GABRA2: variants seen among roughly 807,000 people sequenced by gnomAD.
GABRA2 encodes the protein gamma-aminobutyric acid receptor subunit alpha-2.
A neutral mutation model predicts 48.7 loss-of-function variants in GABRA2; 16 were observed. That is an observed-to-expected ratio of 0.33 (90% CI 0.22 to 0.50). The LOEUF (loss-of-function observed/expected upper bound fraction) is 0.50, where lower values mean the gene tolerates loss of function less well. GABRA2 is among the 20% of genes least tolerant of loss of function. The pLI is 0.98. For missense variants in GABRA2, 275 were observed against 535.6 expected, an observed-to-expected ratio of 0.51 and a Z score of 4.80; for synonymous variants, 185 against 184.5, an observed-to-expected ratio of 1.00 and a Z score of -0.02.
chr4:46,317,895 T>A (rs972052315), intron 4 of GABRA2, among the ~76,000 whole-genome samples: 1 of 151,798 alleles, frequency 6.6e-6, no homozygotes, highest in South Asian at 2.1e-4. Flanking sequence ...TTTAAAATAC[T>A]GGTCAATGAT....
intron 4 of GABRA2, among the ~76,000 whole-genome samples, chr4:46,320,710 C>G: frequency 6.6e-6 from 1 of 151,762 alleles, no homozygotes; most frequent in African/African-American, 2.4e-5. Flanking sequence ...CACCTCACAC[C>G]TGTTAGGATG....
chr4:46,364,172 A>C (rs1157683280), intron 3 of GABRA2: 1 of 152,162 alleles, frequency 6.6e-6, no homozygotes, highest in East Asian at 1.9e-4. Flanking sequence ...TTATACACTA[A>C]TAATTTGTGA....
At chr4:46,357,297 T>C (rs1003243756) in intron 3 of GABRA2, among the ~76,000 whole-genome samples, 2 of 151,232 alleles carry the variant, frequency 1.3e-5, no homozygotes, top group African/African-American at 2.4e-5. Context: ...GCTTTCTATG[T>C]CTAGTTTTTA....
intron 3 of GABRA2, among the ~76,000 whole-genome samples, chr4:46,385,872 C>T (rs993292510): frequency 2.0e-5 from 3 of 152,062 alleles, no homozygotes; most frequent in East Asian, 3.9e-4. Context: ...TTTAGGCATT[C>T]TATGAAAGAT....
intron 8 of GABRA2, among the ~76,000 whole-genome samples, chr4:46,293,406 A>C (rs1724043782): frequency 6.6e-6 from 1 of 152,184 alleles, no homozygotes; most frequent in East Asian, 1.9e-4. Flanking sequence ...GAGAAAGGCA[A>C]ATAATCAGAC....
chr4:46,330,912 C>T (rs1330500590), intron 4 of GABRA2, among the ~76,000 whole-genome samples: 1 of 152,016 alleles, frequency 6.6e-6, no homozygotes, highest in Non-Finnish European at 1.5e-5. Context: ...CATTTGGGAA[C>T]ATTTAAGACA....
At chr4:46,277,060 C>T (rs191238048) in intron 8 of GABRA2, among the ~76,000 whole-genome samples, 1 of 152,146 alleles carries the variant, frequency 6.6e-6, no homozygotes, top group African/African-American at 2.4e-5. Flanking sequence ...TATGTCCTTA[C>T]TGTGAGGAGA....
chr4:46,245,915 CA>C lies in GABRA2; in HGVS notation c.*4392del, dbSNP rs1713632127. On this transcript the variant is annotated 3_prime_UTR_variant, in exon 10 of 10. Transcript: ENST00000381620. The stretch of plus-strand genomic sequence containing the variant: ...AAGTATTTCTTCATATATAAACAAA[CA>C]AAAATAGAATATTTCAACTTAACAA... 6.6e-6 allele frequency among the ~76,000 whole-genome samples: 1 copy of C among 150,902 alleles called. No homozygotes were observed. Among genetic ancestry groups the C allele is most frequent in the Non-Finnish European group, 1.5e-5 (1 of 67,372 alleles).
At chr4:46,294,187 A>G (rs966773655) in intron 8 of GABRA2, among the ~76,000 whole-genome samples, 5 of 152,224 alleles carry the variant, frequency 3.3e-5, no homozygotes, top group African/African-American at 1.2e-4. Context: ...CTTCCACAAG[A>G]TATCACACTG....
chr4:46,294,198 G>C (rs979446875), intron 8 of GABRA2, among the ~76,000 whole-genome samples: 4 of 152,138 alleles, frequency 2.6e-5, no homozygotes, highest in Admixed American at 2.6e-4. Flanking sequence ...TATCACACTG[G>C]TCCATTATAT....
At chr4:46,303,734 T>A in intron 7 of GABRA2, 122 bp from the exon 8 acceptor site, 2 of 771,648 alleles carry the variant, frequency 2.6e-6, no homozygotes, top group Non-Finnish European at 4.1e-6. Flanking sequence ...CACATACATG[T>A]CAGGAAATTT....
chr4:46,294,681 G>A (rs1055204673), intron 8 of GABRA2, among the ~76,000 whole-genome samples: 2 of 152,298 alleles, frequency 1.3e-5, no homozygotes, highest in East Asian at 1.9e-4. Context: ...CCCCATAGGT[G>A]AACCCCAATG....
At chr4:46,344,015 C>A (rs564046298) in intron 3 of GABRA2, among the ~76,000 whole-genome samples, 1 of 151,898 alleles carries the variant, frequency 6.6e-6, no homozygotes, top group East Asian at 1.9e-4. Flanking sequence ...CAGAACAATG[C>A]CAGATAATAA....
At chr4:46,369,245 A>G (rs187120549) in intron 3 of GABRA2, among the ~76,000 whole-genome samples, 1 of 152,202 alleles carries the variant, frequency 6.6e-6, no homozygotes, top group East Asian at 1.9e-4. Flanking sequence ...GGAAGCTATT[A>G]CCGAATTTCA....
At chr4:46,266,841 C>T (rs1229414820) in intron 8 of GABRA2, among the ~76,000 whole-genome samples, 1 of 150,690 alleles carries the variant, frequency 6.6e-6, no homozygotes, top group Non-Finnish European at 1.5e-5. Context: ...CCTGCCTCAG[C>T]CTCCCGAGTA....
In GABRA2 at chr4:46,250,263, A is replaced by G. The variant is rs1291001012; in HGVS notation, c.*45T>C. 5 of 1,539,724 alleles carry G rather than the reference A, an allele frequency of 3.2e-6. No individual in the cohort carries two copies. The highest frequency in any genetic ancestry group is 1.8e-5 in the Admixed American group (1 of 55,026). ...CAGACTGTACATAGCAAAACAAACC[A>G]AATTTAATGTTGCTATACATCCCAA... On this transcript the variant is annotated 3_prime_UTR_variant, in exon 10 of 10. Coordinates refer to ENST00000381620, the MANE Select transcript of GABRA2 (RefSeq NM_000807.4).
Position 46,248,236 on chromosome 4 carries a change from T to C in GABRA2, c.*2072A>G, listed in dbSNP as rs552307634. 1.9e-4 allele frequency among the ~76,000 whole-genome samples: 29 copies of C among 151,504 alleles called. No homozygotes were observed. Among genetic ancestry groups the C allele is most frequent in the African/African-American group, 6.7e-4 (28 of 41,490 alleles). ...TATTCTTAAAGTATCTAATAATGCA[T>C]ACCATATAGAGCAATTTCATTGCTT... On this transcript the variant is annotated 3_prime_UTR_variant, in exon 10 of 10. Transcript: ENST00000381620.
rs191826421 is a variant in GABRA2 at position 46,289,813 on chromosome 4, G to C, written c.856+13647C>G. On this transcript the variant is annotated intron_variant, in intron 8 of 9. Transcript: ENST00000381620. ...GTGTCTGTTCGTATGCCAGCACCAG[G>C]CTGCTTTGATTACTGTAGCTTTGTA... is the stretch of plus-strand genomic sequence containing the variant. Among the ~76,000 whole-genome samples, 340 of 152,128 alleles carry C rather than the reference G, an allele frequency of 2.2e-3. 5 individuals carry two copies. Among genetic ancestry groups the C allele is most frequent in the African/African-American group, 7.4e-3 (307 of 41,494 alleles).
rs189316946 is a variant in GABRA2, at chr4:46,312,084, G to A, written c.476+412C>T. 3.3e-5 allele frequency among the ~76,000 whole-genome samples: 5 copies of A among 152,228 alleles called. No homozygotes were observed. The East Asian group carries it at 9.7e-4, about 30-fold the overall frequency. On this transcript the variant is annotated intron_variant, in intron 5 of 9. Coordinates refer to ENST00000381620, the MANE Select transcript of GABRA2 (RefSeq NM_000807.4). ...ACTGCACTCCAGCCTGGGTGATAGAGCAAGTCTCCGCCTCAATAAATGAAT... is the reference window on the plus strand; with the variant it reads ...ACTGCACTCCAGCCTGGGTGATAGAACAAGTCTCCGCCTCAATAAATGAAT...
Sources: allele counts gnomAD v4.1 joint callset (sites outside exome capture counted in the v4.1 genomes callset), GRCh38; gene constraint gnomAD v4.1.1; transcripts MANE v1.5; gene names NCBI Gene and HGNC (gene_info 2026-07-23, HGNC 2026-07-21).